SH2B2: variants seen among roughly 807,000 people sequenced by gnomAD.
SH2B2 encodes the protein SH2B adaptor protein 2.
Under a neutral mutation model 35.7 loss-of-function variants are expected in SH2B2, and 37 were observed. The observed-to-expected ratio is 1.04, with a 90% CI of 0.80 to 1.36. The LOEUF (loss-of-function observed/expected upper bound fraction) is 1.36. Ranked by LOEUF, SH2B2 falls within the 40% of genes most tolerant of loss-of-function variation. The pLI is 0.00. For synonymous variants in SH2B2, 383 were observed against 376.4 expected (o/e 1.02, Z -0.20); for missense variants, 852 against 817.7 (o/e 1.04, Z -0.51).
intron 4 of SH2B2, among the ~76,000 whole-genome samples, chr7:102,310,099 T>C (rs972319312): frequency 1.1e-4 from 16 of 152,154 alleles, no homozygotes; most frequent in Non-Finnish European, 2.4e-4. Context: ...GCGGATCACC[T>C]GAGGTCAGGA....
intron 4 of SH2B2, among the ~76,000 whole-genome samples, chr7:102,312,462 G>A (rs1378023796): frequency 6.6e-6 from 1 of 152,116 alleles, no homozygotes; most frequent in African/African-American, 2.4e-5. Flanking sequence ...TGGATACAAA[G>A]GGTAGGATCT....
upstream of SH2B2, among the ~76,000 whole-genome samples, chr7:102,285,479 G>T (rs375214615): frequency 1.1e-4 from 16 of 152,350 alleles, no homozygotes; most frequent in African/African-American, 3.6e-4. Flanking sequence ...GTGTCTGCTG[G>T]CCTGGTCCTG....
intron 1 of SH2B2, among the ~76,000 whole-genome samples, chr7:102,299,197 C>CT (rs71123035): frequency 0.25 from 6,275 of 24,628 alleles, 2,036 homozygotes; most frequent in Admixed American, 0.36. Context: ...CCGCGCCTGG[C>CT]TTTTTTTTTT....
intron 4 of SH2B2, among the ~76,000 whole-genome samples, chr7:102,309,905 T>A (rs1554555722): frequency 6.6e-6 from 1 of 152,182 alleles, no homozygotes; most frequent in Non-Finnish European, 1.5e-5. Context: ...CTCAGGAGGC[T>A]GAGGCTGGAG....
rs1197979317 is a variant in SH2B2, at chr7:102,321,489, C to T, written c.1758C>T (p.Val586=). The part of the protein sequence containing the change: ...AASGPAPPRP[V]EGQLSARSRS... ...CGGGGCCCGCCCCCCCGCGCCCCGTCGAGGGCCAGCTCAGCGCGCGGAGCC... is the reference window on the plus strand; with the variant it reads ...CGGGGCCCGCCCCCCCGCGCCCCGTTGAGGGCCAGCTCAGCGCGCGGAGCC... The change falls in exon 9 of 9, where the codon GTC becomes GTT. Residue 586 remains valine, a synonymous_variant. Coordinates refer to ENST00000444095, the MANE Select transcript of SH2B2 (RefSeq NM_001359228.2). 13 of 1,173,602 alleles carry T rather than the reference C, an allele frequency of 1.1e-5. No individual in the cohort carries two copies. The highest frequency in any genetic ancestry group is 4.7e-5 in the Admixed American group (1 of 21,164). The allele number at this position is 1,173,602 out of a possible 1,614,324, so 72.7% of individuals were successfully genotyped here.
intron 7 of SH2B2, among the ~76,000 whole-genome samples, chr7:102,319,045 G>A (rs1238121470): frequency 1.3e-5 from 2 of 152,144 alleles, no homozygotes; most frequent in African/African-American, 2.4e-5. Context: ...CCAGAGTGGA[G>A]ATGACTGCCC....
chr7:102,316,314 G>T lies in SH2B2; in HGVS notation c.1187-873G>T, dbSNP rs1031554039. Among the ~76,000 whole-genome samples the T allele has an allele frequency of 2.0e-5, 3 of 152,128 alleles. No homozygotes were observed. The South Asian group carries it at 6.2e-4, about 32-fold the overall frequency. On this transcript the variant is annotated intron_variant, in intron 6 of 8. Transcript: ENST00000444095. ...AATAAATAAAATTATTTGGCTGGGC[G>T]CAGTGGCTCACACCTGTAATCCCAG...
At chr7:102,290,151 A>G (rs1792618966) in intron 1 of SH2B2, among the ~76,000 whole-genome samples, 1 of 133,256 alleles carries the variant, frequency 7.5e-6, no homozygotes, top group South Asian at 2.5e-4. Flanking sequence ...TGAAACAGGG[A>G]TTCAGTCTTC....
chr7:102,311,803 G>A (rs111416236), intron 4 of SH2B2, among the ~76,000 whole-genome samples: 44 of 152,224 alleles, frequency 2.9e-4, no homozygotes, highest in African/African-American at 9.9e-4. Flanking sequence ...AGGGCTGGGC[G>A]TGGTGGTGCA....
At chr7:102,316,478 T>C (rs1230314529) in intron 6 of SH2B2, among the ~76,000 whole-genome samples, 1 of 151,946 alleles carries the variant, frequency 6.6e-6, no homozygotes, top group Admixed American at 6.6e-5. Flanking sequence ...TCCCAGATAC[T>C]TGGGAGGCTG....
Position 102,318,693 on chromosome 7 carries a change from A to C in SH2B2, c.1395+1298A>C, listed in dbSNP as rs373831315. ...TCTCTGCAGGGACCCCGGCTGCCCT[A>C]ACCCCTAGTGGCTCAGTGCAGAACC... On this transcript the variant is annotated intron_variant, in intron 7 of 8. Transcript: ENST00000444095. Among the ~76,000 whole-genome samples, 9 of 151,984 alleles carry C rather than the reference A, an allele frequency of 5.9e-5. No homozygotes were observed. In the East Asian group the frequency reaches 9.7e-4, roughly 16 times the overall value.
At chr7:102,307,118 C>A (rs1008200607) in intron 3 of SH2B2, among the ~76,000 whole-genome samples, 3 of 152,250 alleles carry the variant, frequency 2.0e-5, no homozygotes, top group Non-Finnish European at 2.9e-5. Flanking sequence ...GCCCTCCCTT[C>A]CCCCACTGGA....
chr7:102,300,707 G>C lies in SH2B2; in HGVS notation c.157G>C (p.Asp53His), dbSNP rs782055416. 2.9e-5 allele frequency: 44 copies of C among 1,538,902 alleles called. No homozygotes were observed. The highest frequency in any genetic ancestry group is 3.3e-4 in the Middle Eastern group (2 of 5,976). The change falls in exon 2 of 9, where the codon GAC (aspartate) becomes CAC (histidine). Residue 53 changes from aspartate (D) to histidine (H), a missense_variant. Physicochemically the swap from Asp to His is moderately conservative, Grantham distance 81 (BLOSUM62 -1). This residue lies in a region of SH2B2 where 294 missense variants were observed against 286.6 expected (regional missense o/e 1.03). Transcript: ENST00000444095. ...TTTCCTGCGGGACAACCCAGCTTAC[G>C]ACACGCCCGACGCCGGCGCCTCCTT... The part of the protein sequence containing the change: ...CRFLRDNPAY[D>H]TPDAGASFSR...
chr7:102,294,249 A>G (rs1792815558), intron 1 of SH2B2, among the ~76,000 whole-genome samples: 1 of 152,078 alleles, frequency 6.6e-6, no homozygotes, highest in African/African-American at 2.4e-5. Context: ...GCTGCTCTCG[A>G]ACTCCTGAGC....
At chr7:102,305,680 G>A (rs367832559) in intron 2 of SH2B2, among the ~76,000 whole-genome samples, 25 of 152,260 alleles carry the variant, frequency 1.6e-4, no homozygotes, top group African/African-American at 4.3e-4. Flanking sequence ...TTTTACCTGC[G>A]TATGTGTGTA....
intron 2 of SH2B2, 137 bp downstream of exon 2, chr7:102,301,416 C>G (rs1759196748): frequency 9.1e-7 from 1 of 1,100,210 alleles, no homozygotes. Flanking sequence ...GGTGCCAGGA[C>G]CCTGGGAGGT....
intron 3 of SH2B2, among the ~76,000 whole-genome samples, chr7:102,307,467 C>G (rs1232194531): frequency 2.0e-5 from 3 of 152,216 alleles, no homozygotes; most frequent in African/African-American, 7.2e-5. Context: ...CCCCCACCCT[C>G]TTCTCCCAGC....
intron 3 of SH2B2, 124 bp downstream of exon 3, chr7:102,306,946 C>T (rs150192717): frequency 8.0e-6 from 6 of 750,694 alleles, no homozygotes; most frequent in Non-Finnish European, 1.4e-5. Flanking sequence ...TGGGAGGGAG[C>T]CCTGGTGTGG....
In SH2B2 at chr7:102,321,448, T is replaced by C; in HGVS notation, c.1717T>C (p.Ser573Pro). 1 of 1,270,724 alleles carries C rather than the reference T, an allele frequency of 7.9e-7. No individual in the cohort carries two copies. The highest frequency in any genetic ancestry group is 2.1e-5 in the South Asian group (1 of 46,746). 78.7% of individuals were successfully genotyped at this position (1,270,724 alleles called of 1,614,324 possible). The change falls in exon 9 of 9, where the codon TCG (serine) becomes CCG (proline). Residue 573 changes from serine (S) to proline (P), a missense_variant. Coordinates refer to ENST00000444095, the MANE Select transcript of SH2B2 (RefSeq NM_001359228.2). ...AAGASSSSAS[S>P]SSAASGPAPP... ...CGGCGCCTCCTCGTCTTCCGCCTCG[T>C]CGTCCTCTGCCGCGTCGGGGCCCGC...
Sources: allele counts gnomAD v4.1 joint callset (sites outside exome capture counted in the v4.1 genomes callset), GRCh38; gene constraint gnomAD v4.1.1; regional missense constraint gnomAD v4.1.1; transcripts MANE v1.5; gene names NCBI Gene and HGNC (gene_info 2026-07-23, HGNC 2026-07-21).